Variants in ZFPM2 observed in about 807,000 individuals in gnomAD.
The protein encoded by ZFPM2 is zinc finger protein, FOG family member 2.
ZFPM2 carries 20 observed loss-of-function variants against 98.6 expected under a neutral mutation model. The ratio of observed to expected loss-of-function variants is 0.20; its 90% CI spans 0.14 to 0.29. ZFPM2 has a LOEUF of 0.29. ZFPM2 is among the 10% of genes least tolerant of loss of function. The probability of loss-of-function intolerance (pLI) is 1.00; values close to 1 mark genes in which losing one functional copy is unlikely to be tolerated. For missense variants in ZFPM2, 1,310 were observed against 1,388.6 expected, an observed-to-expected ratio of 0.94 and a Z score of 0.90; for synonymous variants, 518 against 502.7, an observed-to-expected ratio of 1.03 and a Z score of -0.41.
At chr8:105,400,084 A>ATT (rs971600976) in intron 1 of ZFPM2, among the ~76,000 whole-genome samples, 2 of 151,296 alleles carry the variant, frequency 1.3e-5, no homozygotes, top group African/African-American at 4.9e-5. Context: ...ATGCATTTTT[A>ATT]TTTTGCTTTC....
chr8:105,694,744 T>C (rs1810975773), intron 5 of ZFPM2, among the ~76,000 whole-genome samples: 1 of 152,170 alleles, frequency 6.6e-6, no homozygotes. Flanking sequence ...ACGATTCAAT[T>C]TTCATTGAGG....
At chr8:105,396,287 G>A (rs1811217274) in intron 1 of ZFPM2, among the ~76,000 whole-genome samples, 1 of 152,166 alleles carries the variant, frequency 6.6e-6, no homozygotes, top group Non-Finnish European at 1.5e-5. Flanking sequence ...GTGCTTCTCT[G>A]GTTGTGCCTG....
chr8:105,440,934 G>A (rs1448480045), intron 2 of ZFPM2, among the ~76,000 whole-genome samples: 2 of 151,888 alleles, frequency 1.3e-5, no homozygotes, highest in Admixed American at 6.6e-5. Flanking sequence ...GGTGGATCAC[G>A]AGGTCAAGAG....
intron 3 of ZFPM2, among the ~76,000 whole-genome samples, chr8:105,485,068 A>G (rs989939951): frequency 6.6e-6 from 1 of 152,210 alleles, no homozygotes; most frequent in African/African-American, 2.4e-5. Flanking sequence ...AAGACAAACA[A>G]GCTTCCCTGG....
At position 105,533,337 on chromosome 8, in the gene ZFPM2, G is replaced by T. The variant is rs1195112509; in HGVS notation, c.302-28026G>T. On this transcript the variant is annotated intron_variant, in intron 3 of 7. Transcript: ENST00000407775. ...GACAGTTTAGATAGGAGTCACTCTG[G>T]GTGGTCAAGCTCCATTTCAAAATGT... Among the ~76,000 whole-genome samples the T allele has an allele frequency of 7.9e-5, 12 of 151,988 alleles. 1 individual carries two copies. Among genetic ancestry groups the T allele is most frequent in the Admixed American group, 4.6e-4 (7 of 15,242 alleles).
intron 4 of ZFPM2, among the ~76,000 whole-genome samples, chr8:105,587,629 A>C (rs1157785025): frequency 6.8e-6 from 1 of 146,966 alleles, no homozygotes; most frequent in East Asian, 1.9e-4. Context: ...GTTTCTGAAG[A>C]GCACATTTTT....
At chr8:105,791,371 T>G (rs918279835) in intron 6 of ZFPM2, among the ~76,000 whole-genome samples, 1 of 152,246 alleles carries the variant, frequency 6.6e-6, no homozygotes, top group Non-Finnish European at 1.5e-5. Flanking sequence ...TCTTTGGTTC[T>G]GTTTATATGC....
chr8:105,592,857 G>A (rs1423216978), intron 4 of ZFPM2, among the ~76,000 whole-genome samples: 1 of 152,180 alleles, frequency 6.6e-6, no homozygotes, highest in Admixed American at 6.5e-5. Context: ...GATTGAGCCA[G>A]TGATCCAATT....
chr8:105,428,377 C>T (rs528343683), intron 2 of ZFPM2, among the ~76,000 whole-genome samples: 2 of 152,186 alleles, frequency 1.3e-5, no homozygotes, highest in East Asian at 1.9e-4. Context: ...CAGTATAAAC[C>T]ATTTTGTAAT....
At chr8:105,735,224 G>T (rs1352299444) in intron 5 of ZFPM2, among the ~76,000 whole-genome samples, 1 of 150,348 alleles carries the variant, frequency 6.7e-6, no homozygotes, top group Non-Finnish European at 1.5e-5. Flanking sequence ...CTGTAACAAA[G>T]AATAGAAAAT....
intron 5 of ZFPM2, among the ~76,000 whole-genome samples, chr8:105,769,497 C>T (rs142909572): frequency 6.2e-4 from 94 of 152,096 alleles, no homozygotes; most frequent in African/African-American, 2.1e-3. Context: ...TCCTAGACTT[C>T]CCACTCTTCT....
intron 3 of ZFPM2, among the ~76,000 whole-genome samples, chr8:105,521,778 CGTT>C (rs1814066850): frequency 6.6e-6 from 1 of 152,004 alleles, no homozygotes. Flanking sequence ...GGTTTTGCCA[CGTT>C]GGTCAGGCTG....
chr8:105,536,903 A>G (rs1204056079), intron 3 of ZFPM2, among the ~76,000 whole-genome samples: 1 of 152,160 alleles, frequency 6.6e-6, no homozygotes, highest in Non-Finnish European at 1.5e-5. Context: ...GCTATAATGT[A>G]TCAGCTATGG....
At chr8:105,488,056 C>T (rs1383625440) in intron 3 of ZFPM2, among the ~76,000 whole-genome samples, 1 of 151,770 alleles carries the variant, frequency 6.6e-6, no homozygotes, top group East Asian at 1.9e-4. Flanking sequence ...ATACAACCCT[C>T]CCATTACCGA....
chr8:105,556,354 T>C (rs1814990747), intron 3 of ZFPM2, among the ~76,000 whole-genome samples: 1 of 152,150 alleles, frequency 6.6e-6, no homozygotes, highest in Non-Finnish European at 1.5e-5. Context: ...TGGAAGTATA[T>C]GGACATGCTC....
Position 105,801,494 on chromosome 8 carries a change from A to G in ZFPM2, c.1412A>G (p.Lys471Arg). Reference protein sequence around the residue: ...NKQSFSYTKIKSEPSSPRLAS... With the variant: ...NKQSFSYTKIRSEPSSPRLAS... ...CAAAGCTTTTCTTACACAAAAATAA[A>G]GTCTGAGCCCTCTAGCCCAAGACTT... Residue 471 changes from lysine (K) to arginine (R), a missense_variant, in exon 8 of 8, where the codon AAG (lysine) becomes AGG (arginine). Physicochemically the swap from Lys to Arg is conservative, Grantham distance 26. Coordinates refer to ENST00000407775, the MANE Select transcript of ZFPM2 (RefSeq NM_012082.4). The G allele has an allele frequency of 1.2e-6, 2 of 1,613,958 alleles. No individual in the cohort carries two copies. The highest frequency in any genetic ancestry group is 2.2e-5 in the South Asian group (2 of 91,084).
intron 3 of ZFPM2, among the ~76,000 whole-genome samples, chr8:105,491,825 G>T (rs553221781): frequency 6.6e-6 from 1 of 152,074 alleles, no homozygotes; most frequent in Admixed American, 6.6e-5. Flanking sequence ...GGTAAAGAGT[G>T]ACTTAGTGGT....
At chr8:105,515,908 CTTCT>C (rs1813909789) in intron 3 of ZFPM2, among the ~76,000 whole-genome samples, 1 of 120,474 alleles carries the variant, frequency 8.3e-6, no homozygotes, top group African/African-American at 3.0e-5. Context: ...GAAAAAACAA[CTTCT>C]TTTTTTTTTT....
At chr8:105,585,757 CAG>C (rs1420741460) in intron 4 of ZFPM2, among the ~76,000 whole-genome samples, 1 of 152,010 alleles carries the variant, frequency 6.6e-6, no homozygotes, top group Non-Finnish European at 1.5e-5. Context: ...TGCTTGACCC[CAG>C]GAGTTTGAGG....
Sources: allele counts gnomAD v4.1 joint callset (sites outside exome capture counted in the v4.1 genomes callset), GRCh38; gene constraint gnomAD v4.1.1; transcripts MANE v1.5; gene names NCBI Gene and HGNC (gene_info 2026-07-23, HGNC 2026-07-21).